Variants in ESR1 observed in about 807,000 individuals in gnomAD.
ESR1 encodes estrogen receptor 1.
ESR1 carries 12 observed loss-of-function variants against 52.7 expected under a neutral mutation model. That is an observed-to-expected ratio of 0.23 (90% CI 0.15 to 0.37). ESR1 has a LOEUF of 0.37. ESR1 is among the 10% of genes least tolerant of loss of function. ESR1 has a pLI of 1.00. For missense variants in ESR1, 584 were observed against 779.7 expected, an observed-to-expected ratio of 0.75 and a Z score of 2.99; for synonymous variants, 305 against 316.8, an observed-to-expected ratio of 0.96 and a Z score of 0.39.
intron 3 of ESR1, among the ~76,000 whole-genome samples, chr6:151,886,702 G>A (rs961397061): frequency 2.6e-5 from 4 of 152,266 alleles, no homozygotes; most frequent in African/African-American, 7.2e-5. Flanking sequence ...CCTGGGGACT[G>A]CGATTGGAAT....
At chr6:151,947,660 T>C (rs2035856487) in intron 4 of ESR1, among the ~76,000 whole-genome samples, 1 of 152,216 alleles carries the variant, frequency 6.6e-6, no homozygotes, top group Non-Finnish European at 1.5e-5. Flanking sequence ...TTTGACTTGA[T>C]ATGTTTCTCT....
At chr6:152,017,438 T>C (rs1300834814) in intron 5 of ESR1, among the ~76,000 whole-genome samples, 2 of 152,172 alleles carry the variant, frequency 1.3e-5, no homozygotes, top group Non-Finnish European at 1.5e-5. Context: ...TTATAAGGTA[T>C]AAATAAAGAA....
At chr6:151,797,120 T>C (rs929156019) in intron 2 of ESR1, among the ~76,000 whole-genome samples, 1 of 152,258 alleles carries the variant, frequency 6.6e-6, no homozygotes, top group African/African-American at 2.4e-5. Flanking sequence ...TTACAAGTGT[T>C]ACTGGCTACT....
At chr6:151,684,072 T>C (rs1470013220) in intron 1 of ESR1, among the ~76,000 whole-genome samples, 1 of 152,056 alleles carries the variant, frequency 6.6e-6, no homozygotes, top group Non-Finnish European at 1.5e-5. Flanking sequence ...ATCATATCTG[T>C]TCTTCCTTGC....
At chr6:152,070,391 A>G (rs564668069) in intron 6 of ESR1, among the ~76,000 whole-genome samples, 4 of 137,882 alleles carry the variant, frequency 2.9e-5, no homozygotes, top group Non-Finnish European at 6.0e-5. Flanking sequence ...TAAGGAAACA[A>G]CAACAAAATT....
At chr6:151,746,741 G>A (rs190998315) in intron 2 of ESR1, among the ~76,000 whole-genome samples, 175 of 152,306 alleles carry the variant, frequency 1.1e-3, no homozygotes, top group African/African-American at 3.9e-3. Flanking sequence ...TTTATATAAC[G>A]AACTGGGATT....
intron 4 of ESR1, among the ~76,000 whole-genome samples, chr6:151,987,089 C>G (rs2040560576): frequency 6.6e-6 from 1 of 151,850 alleles, no homozygotes; most frequent in Non-Finnish European, 1.5e-5. Context: ...CATTTCCTCA[C>G]AGATTATTTC....
intron 1 of ESR1, 141 bp from the exon 2 acceptor site, chr6:151,842,456 C>T (rs1489139217): frequency 4.3e-5 from 35 of 818,376 alleles, no homozygotes; most frequent in African/African-American, 3.4e-4. Flanking sequence ...CTGCAACAGA[C>T]GGCAAGAGGT....
chr6:151,726,014 A>T (rs1043737904), intron 2 of ESR1, among the ~76,000 whole-genome samples: 1 of 152,186 alleles, frequency 6.6e-6, no homozygotes, highest in Non-Finnish European at 1.5e-5. Context: ...AGGAGCAAAA[A>T]TAAAGAGGTG....
At chr6:151,812,283 A>T (rs1389338945) in intron 1 of ESR1, among the ~76,000 whole-genome samples, 1 of 152,214 alleles carries the variant, frequency 6.6e-6, no homozygotes, top group Non-Finnish European at 1.5e-5. Context: ...ACATGTTAAT[A>T]TTTGTTTTGG....
At chr6:151,669,353 G>A (rs61176871) in intron 1 of ESR1, among the ~76,000 whole-genome samples, 10,119 of 151,922 alleles carry the variant, frequency 0.067, 723 homozygotes, top group East Asian at 0.36. Flanking sequence ...CATGGAGAAA[G>A]TATTCAATAA....
chr6:151,995,888 CT>C (rs1340624695), intron 4 of ESR1, among the ~76,000 whole-genome samples: 1 of 152,108 alleles, frequency 6.6e-6, no homozygotes, highest in Non-Finnish European at 1.5e-5. Context: ...GAGGAAAGTG[CT>C]TTTTTGTTAA....
At chr6:151,933,934 T>C (rs1235519949) in intron 3 of ESR1, among the ~76,000 whole-genome samples, 1 of 152,216 alleles carries the variant, frequency 6.6e-6, no homozygotes, top group East Asian at 1.9e-4. Context: ...ACTTTTGATC[T>C]TTGAGTTCTT....
chr6:151,772,410 G>A (rs1785597557), intron 2 of ESR1, among the ~76,000 whole-genome samples: 1 of 152,178 alleles, frequency 6.6e-6, no homozygotes, highest in African/African-American at 2.4e-5. Context: ...ATATTACAAA[G>A]GGTGGTGGGT....
At chr6:151,979,676 C>A (rs2039808274) in intron 4 of ESR1, among the ~76,000 whole-genome samples, 1 of 152,122 alleles carries the variant, frequency 6.6e-6, no homozygotes, top group African/African-American at 2.4e-5. Flanking sequence ...ATCTATAATT[C>A]TTCTGAAGTT....
chr6:152,113,532 G>C (rs753293287), intron 6 of ESR1, among the ~76,000 whole-genome samples: 3 of 152,090 alleles, frequency 2.0e-5, no homozygotes, highest in Non-Finnish European at 2.9e-5. Context: ...GTAACGAACT[G>C]AGCTGTACAC....
At chr6:151,875,149 C>A (rs1018451423) in intron 2 of ESR1, among the ~76,000 whole-genome samples, 1 of 152,198 alleles carries the variant, frequency 6.6e-6, no homozygotes, top group Non-Finnish European at 1.5e-5. Flanking sequence ...ATGAGCAATG[C>A]GTGGCTTCAT....
chr6:151,780,368 A>G (rs1198376078), intron 2 of ESR1, among the ~76,000 whole-genome samples: 2 of 152,008 alleles, frequency 1.3e-5, no homozygotes, highest in African/African-American at 4.8e-5. Context: ...AAAAAAGAAA[A>G]AGAAAAAGAA....
chr6:151,823,070 C>G (rs907039793), intron 1 of ESR1, among the ~76,000 whole-genome samples: 1 of 152,176 alleles, frequency 6.6e-6, no homozygotes, highest in African/African-American at 2.4e-5. Context: ...AGTTAAATAA[C>G]AAATAACATT....
Sources: allele counts gnomAD v4.1 joint callset (sites outside exome capture counted in the v4.1 genomes callset), GRCh38; gene constraint gnomAD v4.1.1; transcripts MANE v1.5; gene names NCBI Gene and HGNC (gene_info 2026-07-23, HGNC 2026-07-21).